The following TIMD4 variants were observed in gnomAD, a reference collection of about 807,000 sequenced individuals.
TIMD4 encodes T cell immunoglobulin and mucin domain containing 4.
TIMD4 carries 31 observed loss-of-function variants against 41.2 expected under a neutral mutation model. The observed-to-expected ratio is 0.75, with a 90% confidence interval of 0.57 to 1.01. TIMD4 has a LOEUF of 1.01. Among genes scored for constraint, TIMD4 ranks in the 50% least tolerant of loss-of-function variants. The probability of loss-of-function intolerance (pLI) is 0.00; values close to 1 mark genes in which losing one functional copy is unlikely to be tolerated. For missense variants in TIMD4, 479 were observed against 472.5 expected (o/e 1.01, Z -0.13); for synonymous variants, 204 against 177.1 (o/e 1.15, Z -1.21).
intron 5 of TIMD4, among the ~76,000 whole-genome samples, chr5:156,928,516 T>G (rs1176004082): frequency 6.6e-6 from 1 of 152,132 alleles, no homozygotes; most frequent in Non-Finnish European, 1.5e-5. Flanking sequence ...AATAAAGTCT[T>G]AAAATAGAAA....
intron 6 of TIMD4, chr5:156,924,104 C>T: frequency 8.2e-6 from 2 of 244,866 alleles, no homozygotes; most frequent in Non-Finnish European, 1.6e-5. Flanking sequence ...TGTGAAAGTC[C>T]CCACTGCCAG....
chr5:156,948,575 C>A, intron 4 of TIMD4, 76 bp from the exon 5 acceptor site: 1 of 873,868 alleles, frequency 1.1e-6, no homozygotes, highest in South Asian at 3.1e-5. Context: ...CTCAACTGTC[C>A]CTATACTGAC....
intron 5 of TIMD4, among the ~76,000 whole-genome samples, chr5:156,937,269 TC>T (rs1160159612): frequency 6.6e-6 from 1 of 152,160 alleles, no homozygotes; most frequent in Non-Finnish European, 1.5e-5. Flanking sequence ...CTTCTTTTCC[TC>T]TCTAATATAC....
chr5:156,924,356 A>G, intron 6 of TIMD4: 1 of 367,552 alleles, frequency 2.7e-6, no homozygotes, highest in South Asian at 2.4e-5. Context: ...GGTGTCAGGA[A>G]AGGTACTCCT....
chr5:156,929,629 G>T (rs1759412342), intron 5 of TIMD4, among the ~76,000 whole-genome samples: 1 of 152,208 alleles, frequency 6.6e-6, no homozygotes, highest in Middle Eastern at 3.2e-3. Flanking sequence ...AAGCTAGGAA[G>T]AGGCAAGGAA....
intron 3 of TIMD4, 138 bp downstream of exon 3, chr5:156,951,374 G>T: frequency 9.0e-7 from 1 of 1,108,982 alleles, no homozygotes; most frequent in Non-Finnish European, 1.3e-6. Flanking sequence ...TGCGGTGTTT[G>T]TTTGATAGGC....
chr5:156,957,002 A>G (rs942690476), intron 1 of TIMD4, among the ~76,000 whole-genome samples: 1 of 150,638 alleles, frequency 6.6e-6, no homozygotes, highest in African/African-American at 2.4e-5. Context: ...GGTAAGCAAG[A>G]CTATGTGCTT....
chr5:156,920,146 C>A (rs1451322834), intron 8 of TIMD4, among the ~76,000 whole-genome samples: 1 of 152,202 alleles, frequency 6.6e-6, no homozygotes, highest in Non-Finnish European at 1.5e-5. Flanking sequence ...TCCAGTTTAA[C>A]AATGGCCTCT....
intron 5 of TIMD4, among the ~76,000 whole-genome samples, chr5:156,941,326 A>C (rs1759648939): frequency 6.6e-6 from 1 of 152,196 alleles, no homozygotes. Flanking sequence ...ACTAAAAAAA[A>C]TTAAAAAAAT....
chr5:156,962,427 T>C (rs1208870779), intron 1 of TIMD4, among the ~76,000 whole-genome samples: 1 of 152,140 alleles, frequency 6.6e-6, no homozygotes, highest in African/African-American at 2.4e-5. Context: ...AATGGACTTT[T>C]GTAAAACTGC....
chr5:156,941,762 A>T (rs1759655877), intron 5 of TIMD4, among the ~76,000 whole-genome samples: 1 of 152,178 alleles, frequency 6.6e-6, no homozygotes, highest in African/African-American at 2.4e-5. Flanking sequence ...GCCATGACTT[A>T]CTCATTTTTA....
At chr5:156,954,894 T>C in intron 1 of TIMD4, 138 bp from the exon 2 acceptor site, 1 of 791,650 alleles carries the variant, frequency 1.3e-6, no homozygotes. Context: ...CTTTTTTTTT[T>C]TGATACAGGG....
At chr5:156,958,216 T>G (rs142501806) in intron 1 of TIMD4, among the ~76,000 whole-genome samples, 2,185 of 151,312 alleles carry the variant, frequency 0.014, 49 homozygotes, top group East Asian at 0.065. Flanking sequence ...AGGTTGCAGT[T>G]AGCCAAGATC....
At chr5:156,933,457 AC>A (rs36159008) in intron 5 of TIMD4, among the ~76,000 whole-genome samples, 20 of 123,200 alleles carry the variant, frequency 1.6e-4, no homozygotes, top group East Asian at 2.7e-4. Context: ...TCGCCCCCCA[AC>A]CCCCCCCCAA....
chr5:156,923,788 C>T (rs969022703), intron 6 of TIMD4, among the ~76,000 whole-genome samples: 1 of 151,680 alleles, frequency 6.6e-6, no homozygotes, highest in Non-Finnish European at 1.5e-5. Context: ...TCAAGCAATC[C>T]TCCTGCCTCG....
chr5:156,925,676 G>A (rs558923253), intron 6 of TIMD4, among the ~76,000 whole-genome samples: 9 of 152,292 alleles, frequency 5.9e-5, no homozygotes, highest in African/African-American at 1.9e-4. Flanking sequence ...TCTGGGTCAC[G>A]CAGACGGAAC....
At chr5:156,960,540 G>A (rs1446107440) in intron 1 of TIMD4, among the ~76,000 whole-genome samples, 1 of 151,760 alleles carries the variant, frequency 6.6e-6, no homozygotes, top group Non-Finnish European at 1.5e-5. Flanking sequence ...CTGAGTAGCT[G>A]GGATTACAGG....
At chr5:156,951,966 A>AAC (rs1759869895) in intron 2 of TIMD4, among the ~76,000 whole-genome samples, 176 bp from the exon 3 acceptor site, 1 of 152,016 alleles carries the variant, frequency 6.6e-6, no homozygotes, top group Non-Finnish European at 1.5e-5. Context: ...GTTCCTTCCA[A>AAC]TCTATTCTTC....
At chr5:156,956,193 CTT>C (rs983435188) in intron 1 of TIMD4, among the ~76,000 whole-genome samples, 1 of 151,054 alleles carries the variant, frequency 6.6e-6, no homozygotes, top group African/African-American at 2.4e-5. Context: ...ATGGGATTAA[CTT>C]TTTTAGATTC....
Sources: gnomAD v4.1 joint callset for allele counts (sites outside exome capture counted in the v4.1 genomes callset) on GRCh38, gnomAD v4.1.1 for gene constraint, MANE v1.5 for transcripts, NCBI Gene and HGNC (gene_info 2026-07-23, HGNC 2026-07-21) for gene names.